Variants in COLEC12 observed in about 807,000 individuals in gnomAD.
The protein encoded by COLEC12 is collectin subfamily member 12, also known as collectin-12.
In COLEC12, 33 loss-of-function variants were observed where a neutral mutation model predicts 71.1. The ratio of observed to expected loss-of-function variants is 0.46; its 90% CI spans 0.35 to 0.62. COLEC12 has a LOEUF of 0.62. COLEC12 is among the 20% of genes least tolerant of loss of function. COLEC12 has a pLI of 0.00. For synonymous variants in COLEC12, 350 were observed against 353.0 expected (o/e 0.99, Z 0.10); for missense variants, 765 against 916.1 (o/e 0.84, Z 2.13).
intron 5 of COLEC12, among the ~76,000 whole-genome samples, chr18:336,456 A>G (rs962056057): frequency 6.6e-5 from 10 of 152,228 alleles, no homozygotes; most frequent in African/African-American, 2.4e-4. Context: ...AGGCCCATGT[A>G]ACACAGGATT....
At chr18:443,489 T>C (rs1392077077) in intron 2 of COLEC12, among the ~76,000 whole-genome samples, 1 of 152,214 alleles carries the variant, frequency 6.6e-6, no homozygotes. Flanking sequence ...TTAAAAATAG[T>C]TGGTTCTGGA....
At chr18:466,167 G>A (rs911146473) in intron 2 of COLEC12, among the ~76,000 whole-genome samples, 11 of 152,186 alleles carry the variant, frequency 7.2e-5, no homozygotes, top group Non-Finnish European at 1.5e-5. Flanking sequence ...TTGAACCCGG[G>A]AGGTGGAGGT....
At chr18:366,534 C>A (rs900748504) in intron 2 of COLEC12, among the ~76,000 whole-genome samples, 1 of 152,218 alleles carries the variant, frequency 6.6e-6, no homozygotes, top group East Asian at 1.9e-4. Flanking sequence ...ATCCACACTC[C>A]CCATGATCTT....
intron 2 of COLEC12, among the ~76,000 whole-genome samples, chr18:410,944 C>G (rs11663097): frequency 0.32 from 49,361 of 152,026 alleles, 8,546 homozygotes; most frequent in South Asian, 0.55. Flanking sequence ...AACCCAGACT[C>G]TCCTCACCTG....
intron 5 of COLEC12, among the ~76,000 whole-genome samples, chr18:340,074 C>CAAAAAAAAAAAAAA (rs60991743): frequency 1.6e-3 from 151 of 94,116 alleles, no homozygotes; most frequent in Non-Finnish European, 2.0e-3. Flanking sequence ...TGCCTGAAAG[C>CAAAAAAAAAAAAAA]AAAAAAAAAA....
chr18:374,410 A>AT (rs1367421219), intron 2 of COLEC12, among the ~76,000 whole-genome samples: 1 of 151,864 alleles, frequency 6.6e-6, no homozygotes, highest in Non-Finnish European at 1.5e-5. Context: ...ATGACCTGCA[A>AT]TTGCAATCAA....
chr18:457,469 T>C (rs571058747), intron 2 of COLEC12, among the ~76,000 whole-genome samples: 2 of 152,318 alleles, frequency 1.3e-5, no homozygotes, highest in African/African-American at 4.8e-5. Context: ...CTGGAGCTGA[T>C]GAAGGCAAGT....
At chr18:442,721 G>A (rs1916566819) in intron 2 of COLEC12, among the ~76,000 whole-genome samples, 1 of 152,248 alleles carries the variant, frequency 6.6e-6, no homozygotes, top group Admixed American at 6.5e-5. Context: ...CAGTACTTTG[G>A]GAGGCCAAGG....
At chr18:440,213 G>A (rs1916487846) in intron 2 of COLEC12, among the ~76,000 whole-genome samples, 1 of 152,094 alleles carries the variant, frequency 6.6e-6, no homozygotes, top group Non-Finnish European at 1.5e-5. Flanking sequence ...ATGGGGAATG[G>A]GGAGGTGCTG....
Position 346,469 on chromosome 18 carries a change from A to G in COLEC12, c.1153T>C (p.Leu385=). Reference sequence around the variant, plus strand: ...CGGATGTTGGCCAGGGTATTATTCAAGGAGGTCAGATCATCTGTGTGTTTG... The same window carrying G: ...CGGATGTTGGCCAGGGTATTATTCAGGGAGGTCAGATCATCTGTGTGTTTG... ...LTKHTDDLTS[L]NNTLANIRLD... is the part of the protein sequence containing the mutation. The change falls in exon 5 of 10, where the codon TTG becomes CTG. Residue 385 remains leucine (L), a synonymous_variant. Transcript: ENST00000400256. This position sits in a 1 kb window ranked among gnomAD's most constrained non-coding sequence, Gnocchi z 4.0. 1 of 1,614,236 alleles carries G rather than the reference A, an allele frequency of 6.2e-7. No homozygotes were observed. The highest frequency in any genetic ancestry group is 8.5e-7 in the Non-Finnish European group (1 of 1,180,036).
At chr18:488,135 G>A in intron 1 of COLEC12, among the ~76,000 whole-genome samples, 1 of 152,192 alleles carries the variant, frequency 6.6e-6, no homozygotes, top group Admixed American at 6.5e-5. Context: ...AAAGGGCTGG[G>A]CACGGTGGCT....
At position 480,013 on chromosome 18, in the gene COLEC12, A is replaced by G. The variant is rs1009943553; in HGVS notation, c.58+694T>C. ...CACCTATATTCCTTGACCAGAGAAC[A>G]TAACAAAAATCTCTGCTTCCATCCT... On this transcript the variant is annotated intron_variant, in intron 2 of 9. Transcript: ENST00000400256. This position sits in a 1 kb window ranked among gnomAD's most constrained non-coding sequence, Gnocchi z 4.1. Among the ~76,000 whole-genome samples, 4 of 152,234 alleles carry G rather than the reference A, an allele frequency of 2.6e-5. No individual in the cohort carries two copies. The highest frequency in any genetic ancestry group is 6.5e-5 in the Admixed American group (1 of 15,290).
At position 480,875 on chromosome 18, in the gene COLEC12, G is replaced by C. The variant is rs11664792; in HGVS notation, c.8-118C>G. On this transcript the variant is annotated intron_variant, in intron 1 of 9. Coordinates refer to ENST00000400256, the MANE Select transcript of COLEC12 (RefSeq NM_130386.3). The surrounding 1 kb of genome is among the most constrained non-coding windows in gnomAD (Gnocchi z 4.1). ...TGTCACAGCAGCTTTCCTTCTGCTCGTGGATCGCACCAGGCTTTCTGGAAG... is the reference window on the plus strand; with the variant it reads ...TGTCACAGCAGCTTTCCTTCTGCTCCTGGATCGCACCAGGCTTTCTGGAAG... The C allele has an allele frequency of 8.9e-6, 8 of 899,886 alleles. No individual in the cohort carries two copies. The highest frequency in any genetic ancestry group is 1.3e-5 in the Non-Finnish European group (7 of 535,352). 55.7% of individuals were successfully genotyped at this position (899,886 alleles called of 1,614,324 possible). A position where few individuals can be genotyped will look rare whatever the true frequency, so the allele number is the denominator to read the frequency against.
chr18:425,146 A>G (rs752676741), intron 2 of COLEC12, among the ~76,000 whole-genome samples: 8 of 152,200 alleles, frequency 5.3e-5, no homozygotes, highest in Non-Finnish European at 8.8e-5. Flanking sequence ...AACTTAGTGC[A>G]ACCTTCTTAA....
chr18:376,281 G>A (rs1437870926), intron 2 of COLEC12, among the ~76,000 whole-genome samples: 3 of 152,174 alleles, frequency 2.0e-5, no homozygotes, highest in Non-Finnish European at 4.4e-5. Context: ...ATGGCGTGTG[G>A]CATTCTGTTT....
intron 1 of COLEC12, among the ~76,000 whole-genome samples, chr18:497,764 T>C (rs996324179): frequency 1.3e-5 from 2 of 152,230 alleles, no homozygotes; most frequent in South Asian, 4.1e-4. Flanking sequence ...CTTTCTATCA[T>C]GTTGGCTTTC....
chr18:472,712 A>T (rs1447101856), intron 2 of COLEC12, among the ~76,000 whole-genome samples: 1 of 151,036 alleles, frequency 6.6e-6, no homozygotes, highest in East Asian at 1.9e-4. Context: ...AAGAAGAAGA[A>T]GAAGGAAAAC....
intron 2 of COLEC12, among the ~76,000 whole-genome samples, chr18:436,597 TG>T (rs1360506631): frequency 6.6e-6 from 1 of 151,096 alleles, no homozygotes; most frequent in African/African-American, 2.4e-5. Context: ...AAGGTAGATT[TG>T]GTGTAGATAT....
intron 8 of COLEC12, among the ~76,000 whole-genome samples, chr18:328,714 T>C (rs1204572095): frequency 1.3e-5 from 2 of 152,158 alleles, no homozygotes; most frequent in African/African-American, 4.8e-5. Flanking sequence ...CATGGAGGTT[T>C]TGCAGAGTTG....
Sources: gnomAD v4.1 joint callset for allele counts (sites outside exome capture counted in the v4.1 genomes callset) on GRCh38, gnomAD v4.1.1 for gene constraint, Gnocchi (gnomAD v3.1) non-coding constraint, MANE v1.5 for transcripts, NCBI Gene and HGNC (gene_info 2026-07-23, HGNC 2026-07-21) for gene names.